Variants in ZEB1 observed in about 807,000 individuals in gnomAD.
The protein encoded by ZEB1 is zinc finger E-box-binding homeobox 1.
A neutral mutation model predicts 84.9 loss-of-function variants in ZEB1; 21 were observed. The observed-to-expected ratio is 0.25, with a 90% CI of 0.18 to 0.36. The LOEUF (loss-of-function observed/expected upper bound fraction) is 0.36. Ranked by LOEUF, ZEB1 falls within the 10% of genes least tolerant of loss-of-function variation. The pLI is 1.00. For missense variants in ZEB1, 1,104 were observed against 1,330.2 expected (o/e 0.83, Z 2.65); for synonymous variants, 420 against 471.1 (o/e 0.89, Z 1.41).
At chr10:31,329,790 G>A (rs1269030553) in intron 1 of ZEB1, among the ~76,000 whole-genome samples, 1 of 152,112 alleles carries the variant, frequency 6.6e-6, no homozygotes, top group Non-Finnish European at 1.5e-5. Context: ...GATTTCACCG[G>A]TGACTAATGA....
intron 2 of ZEB1, among the ~76,000 whole-genome samples, chr10:31,481,533 T>C (rs1418790950): frequency 6.6e-6 from 1 of 151,948 alleles, no homozygotes; most frequent in African/African-American, 2.4e-5. Flanking sequence ...TGCAGCGGCA[T>C]GCACCTGCAA....
chr10:31,444,380 G>A (rs1488816930), intron 1 of ZEB1, among the ~76,000 whole-genome samples: 1 of 151,080 alleles, frequency 6.6e-6, no homozygotes, highest in Non-Finnish European at 1.5e-5. Context: ...TCACTCTGAT[G>A]GTAGTTTCTT....
At chr10:31,330,523 A>G (rs569758988) in intron 1 of ZEB1, among the ~76,000 whole-genome samples, 1 of 152,348 alleles carries the variant, frequency 6.6e-6, no homozygotes, top group South Asian at 2.1e-4. Context: ...GGTTTTAAGG[A>G]ATTTAGCACT....
intron 1 of ZEB1, among the ~76,000 whole-genome samples, chr10:31,324,740 A>G (rs1003063166): frequency 1.3e-5 from 2 of 152,186 alleles, no homozygotes; most frequent in East Asian, 3.9e-4. Context: ...AAAATTTTAA[A>G]CTAGAAAAAG....
chr10:31,367,322 A>T (rs2044713158), intron 1 of ZEB1, among the ~76,000 whole-genome samples: 1 of 152,140 alleles, frequency 6.6e-6, no homozygotes, highest in Non-Finnish European at 1.5e-5. Context: ...CTTTGGTGTG[A>T]TACTGAATTG....
At chr10:31,514,383 A>C (rs959791785) in intron 5 of ZEB1, among the ~76,000 whole-genome samples, 1 of 152,148 alleles carries the variant, frequency 6.6e-6, no homozygotes, top group African/African-American at 2.4e-5. Context: ...CACTATCACT[A>C]TCCTTTTTGG....
chr10:31,448,881 G>T (rs1325310780), intron 1 of ZEB1, among the ~76,000 whole-genome samples: 3 of 152,242 alleles, frequency 2.0e-5, no homozygotes, highest in Non-Finnish European at 4.4e-5. Flanking sequence ...TCTGTGCCCT[G>T]TCCCCAGAGG....
intron 1 of ZEB1, among the ~76,000 whole-genome samples, chr10:31,357,088 A>G (rs555533645): frequency 2.0e-5 from 3 of 152,304 alleles, no homozygotes; most frequent in Admixed American, 1.3e-4. Flanking sequence ...GTAAGAGGTC[A>G]AAAGTATTTC....
At chr10:31,362,288 C>A (rs192952897) in intron 1 of ZEB1, among the ~76,000 whole-genome samples, 17 of 145,068 alleles carry the variant, frequency 1.2e-4, no homozygotes, top group African/African-American at 2.1e-4. Context: ...AGATAGTGGG[C>A]GGCTGGGCAG....
intron 1 of ZEB1, among the ~76,000 whole-genome samples, chr10:31,452,746 A>T (rs61846181): frequency 0.08 from 4,849 of 60,618 alleles, 111 homozygotes; most frequent in East Asian, 0.24. Context: ...TGTGTGTGAG[A>T]GAGAGAGAGA....
chr10:31,490,405 G>A (rs1397223597), intron 2 of ZEB1, among the ~76,000 whole-genome samples: 1 of 151,466 alleles, frequency 6.6e-6, no homozygotes, highest in Non-Finnish European at 1.5e-5. Flanking sequence ...ATTCAAAGTG[G>A]ATAGTTTCCA....
chr10:31,327,165 TA>T (rs1236362756), intron 1 of ZEB1, among the ~76,000 whole-genome samples: 1 of 143,822 alleles, frequency 7.0e-6, no homozygotes, highest in Non-Finnish European at 1.5e-5. Context: ...GGCTGGAGTG[TA>T]AAGGCGCGAT....
chr10:31,452,745 G>A (rs1171294231), intron 1 of ZEB1, among the ~76,000 whole-genome samples: 3 of 93,046 alleles, frequency 3.2e-5, no homozygotes, highest in Non-Finnish European at 5.9e-5. Context: ...GTGTGTGTGA[G>A]AGAGAGAGAG....
intron 2 of ZEB1, among the ~76,000 whole-genome samples, chr10:31,486,658 A>G (rs1294307510): frequency 1.3e-5 from 2 of 148,584 alleles, no homozygotes. Flanking sequence ...GTATACATGT[A>G]TTTTCTAGTT....
At chr10:31,461,338 A>G in intron 2 of ZEB1, 101 bp downstream of exon 2, 3 of 1,298,902 alleles carry the variant, frequency 2.3e-6, no homozygotes, top group Non-Finnish European at 2.2e-6. Flanking sequence ...TGAAATCAAT[A>G]GTAAATTTGG....
intron 1 of ZEB1, among the ~76,000 whole-genome samples, chr10:31,391,746 G>T (rs1450532942): frequency 6.6e-6 from 1 of 152,144 alleles, no homozygotes; most frequent in Non-Finnish European, 1.5e-5. Context: ...AGCTACAAAA[G>T]ACCTGAAATA....
At position 31,361,680 on chromosome 10, in the gene ZEB1, C is replaced by T. The variant is rs985287745; in HGVS notation, c.58+42388C>T. On this transcript the variant is annotated intron_variant, in intron 1 of 8. Transcript: ENST00000424869. ...GGTGCTCCTCACTTTCCAGACAGGG[C>T]GGCGGCTGGGCAGGGGCGCTCCTCA... Among the ~76,000 whole-genome samples the T allele has an allele frequency of 2.8e-4, 42 of 150,412 alleles. 1 individual carries two copies. The highest frequency in any genetic ancestry group is 2.6e-4 in the Admixed American group (4 of 15,120).
At chr10:31,343,506 A>C (rs2039757809) in intron 1 of ZEB1, among the ~76,000 whole-genome samples, 1 of 152,096 alleles carries the variant, frequency 6.6e-6, no homozygotes, top group Non-Finnish European at 1.5e-5. Flanking sequence ...TACACATTTA[A>C]AGTACGGCCT....
intron 1 of ZEB1, among the ~76,000 whole-genome samples, chr10:31,396,845 A>G (rs889256793): frequency 3.9e-5 from 6 of 152,298 alleles, no homozygotes; most frequent in African/African-American, 1.2e-4. Flanking sequence ...CTCAGTATCC[A>G]TGGATAGGCT....
Sources: allele counts gnomAD v4.1 joint callset (sites outside exome capture counted in the v4.1 genomes callset), GRCh38; gene constraint gnomAD v4.1.1; transcripts MANE v1.5; gene names NCBI Gene and HGNC (gene_info 2026-07-23, HGNC 2026-07-21).